KCTD16: variants seen among roughly 807,000 people sequenced by gnomAD.
The protein encoded by KCTD16 is BTB/POZ domain-containing protein KCTD16.
Under a neutral mutation model 33.2 loss-of-function variants are expected in KCTD16, and 13 were observed. The ratio of observed to expected loss-of-function variants is 0.39; its 90% CI spans 0.25 to 0.62. KCTD16 has a LOEUF of 0.62. Among genes scored for constraint, KCTD16 ranks in the 20% least tolerant of loss-of-function variants. The pLI is 0.50. For synonymous variants in KCTD16, 197 were observed against 195.3 expected, an observed-to-expected ratio of 1.01 and a Z score of -0.07; for missense variants, 441 against 525.1, an observed-to-expected ratio of 0.84 and a Z score of 1.57.
chr5:144,316,826 C>CTTTTTTT (rs34796022), intron 3 of KCTD16, among the ~76,000 whole-genome samples: 3 of 111,172 alleles, frequency 2.7e-5, no homozygotes, highest in African/African-American at 3.4e-5. Flanking sequence ...GCCAGCATCC[C>CTTTTTTT]TTTTTTTTTT....
chr5:144,350,279 A>G (rs965791789), intron 3 of KCTD16, among the ~76,000 whole-genome samples: 4 of 152,102 alleles, frequency 2.6e-5, no homozygotes, highest in Non-Finnish European at 5.9e-5. Flanking sequence ...AAAATTAATT[A>G]CTTTCCAGGG....
intron 3 of KCTD16, among the ~76,000 whole-genome samples, chr5:144,471,565 C>T (rs987879596): frequency 1.3e-5 from 2 of 152,104 alleles, no homozygotes; most frequent in Non-Finnish European, 2.9e-5. Context: ...TCAGTTAAGT[C>T]ATTTTGGTAT....
chr5:144,214,265 A>G (rs777562388), intron 3 of KCTD16, among the ~76,000 whole-genome samples: 1 of 152,108 alleles, frequency 6.6e-6, no homozygotes, highest in Admixed American at 6.5e-5. Context: ...TGGAAAGGCC[A>G]TGAGCATTCC....
intron 3 of KCTD16, among the ~76,000 whole-genome samples, chr5:144,403,733 A>C (rs1332963980): frequency 1.3e-5 from 2 of 152,218 alleles, no homozygotes; most frequent in East Asian, 3.8e-4. Context: ...GAACATGGGC[A>C]TCTTTGGGGA....
chr5:144,200,157 AT>A (rs11374049), intron 2 of KCTD16, among the ~76,000 whole-genome samples: 95 of 149,432 alleles, frequency 6.4e-4, no homozygotes, highest in Non-Finnish European at 1.1e-3. Flanking sequence ...GAGTAGCATA[AT>A]TTTTTTTTTT....
intron 3 of KCTD16, among the ~76,000 whole-genome samples, chr5:144,359,812 C>G (rs1751663310): frequency 6.6e-6 from 1 of 151,990 alleles, no homozygotes; most frequent in South Asian, 2.1e-4. Flanking sequence ...GATTCTTTAT[C>G]TAGGGGTCTT....
chr5:144,468,669 T>G (rs932813133), intron 3 of KCTD16, among the ~76,000 whole-genome samples: 3 of 152,222 alleles, frequency 2.0e-5, no homozygotes, highest in African/African-American at 7.2e-5. Flanking sequence ...CAAGAAAGCC[T>G]TTCAGCAGCC....
intron 3 of KCTD16, among the ~76,000 whole-genome samples, chr5:144,350,615 A>G (rs898164513): frequency 2.0e-5 from 3 of 152,186 alleles, no homozygotes; most frequent in Non-Finnish European, 2.9e-5. Context: ...AATTAATGAT[A>G]GACATTTTAG....
At chr5:144,408,393 C>T (rs1752860259) in intron 3 of KCTD16, among the ~76,000 whole-genome samples, 1 of 152,164 alleles carries the variant, frequency 6.6e-6, no homozygotes, top group East Asian at 1.9e-4. Flanking sequence ...GGTTTAAGCA[C>T]TTATGCACAG....
At chr5:144,227,642 C>T (rs2126809721) in intron 3 of KCTD16, among the ~76,000 whole-genome samples, 1 of 152,256 alleles carries the variant, frequency 6.6e-6, no homozygotes, top group African/African-American at 2.4e-5. Context: ...TCAACCTTGG[C>T]TGCTATTTTG....
At chr5:144,240,375 G>A (rs1369962991) in intron 3 of KCTD16, among the ~76,000 whole-genome samples, 1 of 151,668 alleles carries the variant, frequency 6.6e-6, no homozygotes, top group African/African-American at 2.4e-5. Flanking sequence ...TCATTTCAGT[G>A]TGTATTTTTT....
At chr5:144,242,886 G>A (rs1345631802) in intron 3 of KCTD16, among the ~76,000 whole-genome samples, 1 of 152,082 alleles carries the variant, frequency 6.6e-6, no homozygotes, top group Admixed American at 6.6e-5. Context: ...CCTCCCATTG[G>A]GCCCATCTCT....
intron 3 of KCTD16, among the ~76,000 whole-genome samples, chr5:144,244,175 C>G (rs369393082): frequency 6.6e-6 from 1 of 152,164 alleles, no homozygotes; most frequent in Admixed American, 6.5e-5. Context: ...TAGCTCAAGA[C>G]CCTCAAAATC....
chr5:144,410,054 G>A (rs561980636), intron 3 of KCTD16, among the ~76,000 whole-genome samples: 110 of 152,282 alleles, frequency 7.2e-4, no homozygotes, highest in African/African-American at 2.6e-3. Context: ...GCACTAGCAT[G>A]TACTAAAGCC....
intron 2 of KCTD16, among the ~76,000 whole-genome samples, chr5:144,199,087 G>A (rs1415290586): frequency 6.6e-6 from 1 of 152,084 alleles, no homozygotes; most frequent in Non-Finnish European, 1.5e-5. Context: ...GCATTCTAAA[G>A]ACATTTGAGA....
chr5:144,324,717 C>T (rs1030235584), intron 3 of KCTD16, among the ~76,000 whole-genome samples: 1 of 152,168 alleles, frequency 6.6e-6, no homozygotes, highest in East Asian at 1.9e-4. Flanking sequence ...AAATGTGTTA[C>T]ATATACATCA....
intron 3 of KCTD16, among the ~76,000 whole-genome samples, chr5:144,398,640 T>G (rs1752631999): frequency 6.6e-6 from 1 of 152,086 alleles, no homozygotes; most frequent in Non-Finnish European, 1.5e-5. Context: ...AATGCTTCCT[T>G]CTATAAAAAA....
At chr5:144,244,214 G>A (rs1228115937) in intron 3 of KCTD16, among the ~76,000 whole-genome samples, 1 of 152,154 alleles carries the variant, frequency 6.6e-6, no homozygotes, top group East Asian at 1.9e-4. Context: ...AATTTATTTT[G>A]GGATTGTCAT....
chr5:144,439,301 C>A (rs1321023673), intron 3 of KCTD16: 4 of 468,290 alleles, frequency 8.5e-6, no homozygotes, highest in South Asian at 5.7e-5. Flanking sequence ...CCAAGCTGGT[C>A]CCTAAAACCC....
Sources: gnomAD v4.1 joint callset for allele counts (sites outside exome capture counted in the v4.1 genomes callset) on GRCh38, gnomAD v4.1.1 for gene constraint, MANE v1.5 for transcripts, NCBI Gene and HGNC (gene_info 2026-07-23, HGNC 2026-07-21) for gene names.